CACNA1C: variants seen among roughly 807,000 people sequenced by gnomAD.
CACNA1C encodes the protein voltage-dependent L-type calcium channel subunit alpha-1C.
Under a neutral mutation model 229.0 loss-of-function variants are expected in CACNA1C, and 30 were observed. That is an observed-to-expected ratio of 0.13 (90% CI 0.10 to 0.18). The LOEUF is 0.18. Ranked by LOEUF, CACNA1C falls within the 10% of genes least tolerant of loss-of-function variation. CACNA1C has a pLI of 1.00. For missense variants in CACNA1C, 1,658 were observed against 2,845.0 expected (o/e 0.58, Z 9.49); for synonymous variants, 1,114 against 1,132.5 (o/e 0.98, Z 0.33).
chr12:2,098,037 AGG>A (rs2074982329), intron 1 of CACNA1C, among the ~76,000 whole-genome samples: 1 of 152,216 alleles, frequency 6.6e-6, no homozygotes, highest in South Asian at 2.1e-4. Context: ...GAGCCAGAGA[AGG>A]AACGTGATTT....
Position 2,677,861 on chromosome 12 carries a change from C to T in CACNA1C, c.5085C>T (p.Ile1695=), listed in dbSNP as rs774880895. 1 of 1,613,982 alleles carries T rather than the reference C, an allele frequency of 6.2e-7. No individual in the cohort carries two copies. The highest frequency in any genetic ancestry group is 8.5e-7 in the Non-Finnish European group (1 of 1,179,876). The change falls in exon 41 of 47, where the codon ATC becomes ATT. Residue 1695 remains isoleucine (I), a synonymous_variant. Coordinates refer to ENST00000399655, the MANE Select transcript of CACNA1C (RefSeq NM_000719.7). The surrounding 1 kb of genome is among the most constrained non-coding windows in gnomAD (Gnocchi z 7.4). ...TGTCCGCTGCTTCTGAAGATGACAT[C>T]TTCAGGGTGGGTGGTGCCATGGCGC... ...EAVSAASEDD[I]FRRAGGLFGN... is the part of the protein sequence containing the mutation.
intron 44 of CACNA1C, 76 bp from the exon 45 acceptor site, chr12:2,686,090 C>G: frequency 2.5e-6 from 3 of 1,205,084 alleles, no homozygotes. Context: ...TCCTGGCACC[C>G]CACCAGGGTG....
intron 1 of CACNA1C, among the ~76,000 whole-genome samples, chr12:2,025,456 T>C (rs1046835229): frequency 2.6e-5 from 4 of 152,178 alleles, no homozygotes; most frequent in African/African-American, 9.7e-5. Context: ...CTGCACTCTC[T>C]GCAGAGTTGA....
intron 3 of CACNA1C, among the ~76,000 whole-genome samples, chr12:2,216,237 T>C (rs1408128263): frequency 3.9e-5 from 6 of 152,172 alleles, no homozygotes; most frequent in Non-Finnish European, 1.5e-5. Flanking sequence ...GCACTGGATA[T>C]GGACTGGGAC....
rs538688007 is a variant in CACNA1C at position 2,065,801 on chromosome 12, G to A, written c.49+12190G>A. Among the ~76,000 whole-genome samples the A allele has an allele frequency of 3.3e-5, 5 of 152,312 alleles. No individual in the cohort carries two copies. The South Asian group carries it at 1.0e-3, about 32-fold the overall frequency. On this transcript the variant is annotated intron_variant, in intron 1 of 46. Transcript: ENST00000399655. ...GAGGCGCACATTCCCAACAGAAAGG[G>A]TGGGATGGCCTGTAATGTATTCACA...
chr12:2,006,323 G>A (rs1319121609), intron 1 of CACNA1C, among the ~76,000 whole-genome samples: 2 of 152,132 alleles, frequency 1.3e-5, no homozygotes, highest in South Asian at 2.1e-4. Context: ...CAGGAGAATC[G>A]CTTGAACCCG....
At chr12:2,186,480 A>T (rs2097014109) in intron 3 of CACNA1C, among the ~76,000 whole-genome samples, 1 of 152,154 alleles carries the variant, frequency 6.6e-6, no homozygotes, top group Non-Finnish European at 1.5e-5. Flanking sequence ...TACCCAAGAG[A>T]ACTTGCCTTC....
intron 3 of CACNA1C, among the ~76,000 whole-genome samples, chr12:2,426,409 G>A (rs188202021): frequency 1.4e-4 from 21 of 152,172 alleles, no homozygotes; most frequent in African/African-American, 5.1e-4. Context: ...TGTAAGAATG[G>A]GTAAAATCTG....
At chr12:2,669,150 G>T in intron 38 of CACNA1C, 115 bp downstream of exon 38, 1 of 778,662 alleles carries the variant, frequency 1.3e-6, no homozygotes. Flanking sequence ...GACAGCATCC[G>T]AGCTGGGATA....
intron 1 of CACNA1C, among the ~76,000 whole-genome samples, chr12:2,004,004 G>A (rs2042787987): frequency 6.6e-6 from 1 of 152,102 alleles, no homozygotes; most frequent in South Asian, 2.1e-4. Flanking sequence ...CTTTCCTTCG[G>A]CTCTTATGGT....
intron 3 of CACNA1C, among the ~76,000 whole-genome samples, chr12:2,411,974 C>T (rs192452775): frequency 1.2e-4 from 19 of 152,308 alleles, no homozygotes; most frequent in African/African-American, 4.6e-4. Context: ...TCCTGTGGAG[C>T]CAGGAAGAGG....
chr12:2,124,908 A>G (rs1378795920), intron 3 of CACNA1C, among the ~76,000 whole-genome samples: 2 of 152,138 alleles, frequency 1.3e-5, no homozygotes, highest in Non-Finnish European at 2.9e-5. Flanking sequence ...GGCGGTCGAC[A>G]GGAGCCTGCA....
At position 2,606,979 on chromosome 12, in the gene CACNA1C, C is replaced by T; in HGVS notation, c.3210-5C>T. 2 of 1,613,706 alleles carry T rather than the reference C, an allele frequency of 1.2e-6. No individual in the cohort carries two copies. The highest frequency in any genetic ancestry group is 1.7e-6 in the Non-Finnish European group (2 of 1,179,614). On this transcript the variant is annotated splice_polypyrimidine_tract_variant and splice_region_variant and intron_variant, in intron 25 of 46. Coordinates refer to ENST00000399655, the MANE Select transcript of CACNA1C (RefSeq NM_000719.7). ...CAGAGTAAACTCCTTCTCCTCCTCT[C>T]TCAGGGGCAACTACATCACGTACAA... is the stretch of plus-strand genomic sequence containing the variant.
At position 2,601,999 on chromosome 12, in the gene CACNA1C, C is replaced by A; in HGVS notation, c.2960+39C>A. On this transcript the variant is annotated intron_variant, in intron 22 of 46. Coordinates refer to ENST00000399655, the MANE Select transcript of CACNA1C (RefSeq NM_000719.7). This position sits in a 1 kb window ranked among gnomAD's most constrained non-coding sequence, Gnocchi z 5.9. ...CCTCAGCCCACGATGGGCCATGCAG[C>A]TAGCAAGGGGTGCCAGAGAGGACAA... 7.4e-7 allele frequency: 1 copy of A among 1,353,474 alleles called. No individual in the cohort carries two copies. Among genetic ancestry groups the A allele is most frequent in the Non-Finnish European group, 1.1e-6 (1 of 942,346 alleles). The allele number at this position is 1,353,474 out of a possible 1,614,324, so 83.8% of individuals were successfully genotyped here.
intron 1 of CACNA1C, among the ~76,000 whole-genome samples, chr12:2,015,482 G>A (rs1236533391): frequency 1.3e-5 from 2 of 152,180 alleles, no homozygotes; most frequent in African/African-American, 4.8e-5. Flanking sequence ...TAGAATTATT[G>A]CCAAGATAGG....
chr12:2,416,448 G>A (rs557310922), intron 3 of CACNA1C, among the ~76,000 whole-genome samples: 3 of 152,288 alleles, frequency 2.0e-5, no homozygotes, highest in East Asian at 1.9e-4. Flanking sequence ...AGTGGGGGAC[G>A]ATTGTAATAT....
chr12:2,126,014 C>A (rs371891865), intron 3 of CACNA1C, among the ~76,000 whole-genome samples: 1 of 152,268 alleles, frequency 6.6e-6, no homozygotes, highest in South Asian at 2.1e-4. Context: ...CTCGCAAACG[C>A]ATCGGCTTCC....
At chr12:2,168,927 C>A (rs2096361809) in intron 3 of CACNA1C, among the ~76,000 whole-genome samples, 1 of 152,136 alleles carries the variant, frequency 6.6e-6, no homozygotes, top group Non-Finnish European at 1.5e-5. Flanking sequence ...ATGCCCTACC[C>A]TTTCTAAGGC....
chr12:2,247,434 G>A (rs1392813805), intron 3 of CACNA1C, among the ~76,000 whole-genome samples: 6 of 152,200 alleles, frequency 3.9e-5, no homozygotes, highest in African/African-American at 9.6e-5. Flanking sequence ...TATAACCTTC[G>A]TGGGGAAATT....
Sources: gnomAD v4.1 joint callset for allele counts (sites outside exome capture counted in the v4.1 genomes callset) on GRCh38, gnomAD v4.1.1 for gene constraint, Gnocchi (gnomAD v3.1) non-coding constraint, MANE v1.5 for transcripts, NCBI Gene and HGNC (gene_info 2026-07-23, HGNC 2026-07-21) for gene names.